Variants in KIAA0513 observed in about 807,000 individuals in gnomAD.
KIAA0513 encodes uncharacterized protein KIAA0513.
In KIAA0513, 39 loss-of-function variants were observed where a neutral mutation model predicts 56.5. The observed-to-expected ratio is 0.69, with a 90% CI of 0.53 to 0.90. KIAA0513 has a LOEUF of 0.90. Among genes scored for constraint, KIAA0513 ranks in the 40% least tolerant of loss-of-function variants. The pLI is 0.00. For missense variants in KIAA0513, 591 were observed against 535.2 expected (o/e 1.10, Z -1.03); for synonymous variants, 268 against 215.6 (o/e 1.24, Z -2.13).
Position 85,089,261 on chromosome 16 carries a change from A to G in KIAA0513, c.*936A>G, listed in dbSNP as rs2073844192. 1 of 152,336 alleles carries G rather than the reference A, an allele frequency of 6.6e-6. No individual in the cohort carries two copies. The highest frequency in any genetic ancestry group is 2.4e-5 in the African/African-American group (1 of 41,468). The allele number at this position is 152,336 out of a possible 1,614,324, so 9.4% of individuals were successfully genotyped here. ...TGCTCTTTATTCCAGACAAGGCAGG[A>G]AAGTCTGAGTTGGGAGTGACAGTGG... is the stretch of plus-strand genomic sequence containing the variant. On this transcript the variant is annotated 3_prime_UTR_variant, in exon 13 of 13. Transcript: ENST00000683363. The surrounding 1 kb of genome is among the most constrained non-coding windows in gnomAD (Gnocchi z 4.2).
At chr16:85,038,888 G>T (rs547007040) in intron 1 of KIAA0513, among the ~76,000 whole-genome samples, 1 of 152,228 alleles carries the variant, frequency 6.6e-6, no homozygotes, top group East Asian at 1.9e-4. Context: ...CAGCTTGAAC[G>T]AGCCACATTC....
Position 85,067,032 on chromosome 16 carries a change from C to A in KIAA0513, c.-40C>A, listed in dbSNP as rs1227956150. ...GGCTGCTGGGCTCCCCTCTAGGCAG[C>A]CTCCCCTCCAGGCAGCCTCACCAGC... On this transcript the variant is annotated 5_prime_UTR_variant, in exon 2 of 13. Coordinates refer to ENST00000683363, the MANE Select transcript of KIAA0513 (RefSeq NM_001388359.1). The A allele has an allele frequency of 2.0e-6, 3 of 1,499,422 alleles. No individual in the cohort carries two copies. In the African/African-American group the frequency reaches 4.2e-5, roughly 21 times the overall value. The allele number at this position is 1,499,422 out of a possible 1,614,324, so 92.9% of individuals were successfully genotyped here.
intron 1 of KIAA0513, among the ~76,000 whole-genome samples, chr16:85,060,628 C>T (rs1230028976): frequency 6.6e-6 from 1 of 152,060 alleles, no homozygotes; most frequent in East Asian, 1.9e-4. Context: ...TGCTGGGGCC[C>T]AGGAGTTTGA....
intron 1 of KIAA0513, among the ~76,000 whole-genome samples, chr16:85,042,151 T>A (rs966309730): frequency 6.6e-6 from 1 of 152,238 alleles, no homozygotes; most frequent in Admixed American, 6.5e-5. Context: ...TCAACTCTTT[T>A]CTTTTGGCAG....
chr16:85,075,931 C>T lies in KIAA0513; in HGVS notation c.574+17C>T. 4 of 1,592,280 alleles carry T rather than the reference C, an allele frequency of 2.5e-6. No homozygotes were observed. The highest frequency in any genetic ancestry group is 3.4e-6 in the Non-Finnish European group (4 of 1,160,174). ...ACCACATCGGTAAGACATGGGTGGG[C>T]TGATGTGGGGCTCACCTGAGGCTAG... is the stretch of plus-strand genomic sequence containing the variant. On this transcript the variant is annotated intron_variant, in intron 5 of 12. Transcript: ENST00000683363.
chr16:85,083,083 C>A (rs1247098535), intron 10 of KIAA0513, among the ~76,000 whole-genome samples: 1 of 152,212 alleles, frequency 6.6e-6, no homozygotes, highest in Non-Finnish European at 1.5e-5. Flanking sequence ...TGCAACACCA[C>A]CCACTCTTGG....
chr16:85,058,087 G>A (rs1322719544), intron 1 of KIAA0513, among the ~76,000 whole-genome samples: 2 of 152,182 alleles, frequency 1.3e-5, no homozygotes, highest in African/African-American at 2.4e-5. Context: ...ACTACAGCAC[G>A]CGGATGCTAT....
intron 2 of KIAA0513, 81 bp from the exon 3 acceptor site, chr16:85,071,702 C>A: frequency 1.7e-6 from 2 of 1,155,984 alleles, no homozygotes; most frequent in Non-Finnish European, 2.4e-6. Flanking sequence ...TTAGTTCCTT[C>A]TCCTTGCTCT....
rs1043845334 is a variant in KIAA0513, at chr16:85,087,668, G to T, written c.1186+502G>T. ...GACATTGGCGCCCCCCTTGCTGGGG[G>T]CCCGTCCCTGTGTGCCCCCGCCATC... On this transcript the variant is annotated intron_variant, in intron 12 of 12. Coordinates refer to ENST00000683363, the MANE Select transcript of KIAA0513 (RefSeq NM_001388359.1). Among the ~76,000 whole-genome samples, 4 of 152,266 alleles carry T rather than the reference G, an allele frequency of 2.6e-5. No homozygotes were observed. In the East Asian group the frequency reaches 7.7e-4, roughly 29 times the overall value.
intron 7 of KIAA0513, 131 bp from the exon 8 acceptor site, chr16:85,078,794 C>T (rs900636335): frequency 4.1e-5 from 40 of 972,096 alleles, no homozygotes; most frequent in Non-Finnish European, 4.0e-5. Context: ...AGAAAAGCCA[C>T]GGTGGGGTTT....
intron 1 of KIAA0513, among the ~76,000 whole-genome samples, chr16:85,064,273 T>C (rs533327545): frequency 1.6e-3 from 242 of 152,312 alleles, no homozygotes; most frequent in African/African-American, 5.5e-3. Context: ...CCCAAAGTGT[T>C]GGGATTACGG....
intron 1 of KIAA0513, among the ~76,000 whole-genome samples, chr16:85,054,069 A>C (rs905053884): frequency 2.7e-5 from 4 of 150,590 alleles, no homozygotes; most frequent in African/African-American, 9.8e-5. Flanking sequence ...CTGAGGTGGG[A>C]GGATCACTTG....
chr16:85,074,795 A>G (rs1487625460), intron 4 of KIAA0513, among the ~76,000 whole-genome samples: 1 of 150,966 alleles, frequency 6.6e-6, no homozygotes, highest in African/African-American at 2.4e-5. Context: ...AGATACTTCA[A>G]TTTCCGACAT....
At chr16:85,047,225 G>A (rs1461294643) in intron 1 of KIAA0513, among the ~76,000 whole-genome samples, 1 of 152,180 alleles carries the variant, frequency 6.6e-6, no homozygotes, top group Non-Finnish European at 1.5e-5. Context: ...TGGGCCCCGG[G>A]CATGCTCCGT....
chr16:85,077,722 G>T, intron 6 of KIAA0513, 90 bp downstream of exon 6: 2 of 943,928 alleles, frequency 2.1e-6, no homozygotes, highest in Non-Finnish European at 3.2e-6. Flanking sequence ...GAGGGTGCGG[G>T]TGAGGCCCAG....
intron 10 of KIAA0513, among the ~76,000 whole-genome samples, chr16:85,086,187 G>C (rs2073805548): frequency 6.6e-6 from 1 of 152,216 alleles, no homozygotes; most frequent in African/African-American, 2.4e-5. Context: ...GGAGACACAG[G>C]TGTGAGTCTA....
chr16:85,073,107 TA>T (rs1422099805), intron 4 of KIAA0513, 109 bp downstream of exon 4: 10 of 908,212 alleles, frequency 1.1e-5, no homozygotes, highest in Non-Finnish European at 1.7e-5. Context: ...ATATCCACAC[TA>T]GTCATCAGGT....
intron 1 of KIAA0513, among the ~76,000 whole-genome samples, chr16:85,030,456 C>G (rs74033915): frequency 0.014 from 2,129 of 152,192 alleles, 57 homozygotes; most frequent in African/African-American, 0.05. Context: ...AAAAATAAGC[C>G]ATAGGGCTGG....
intron 1 of KIAA0513, among the ~76,000 whole-genome samples, chr16:85,059,079 A>C (rs41337248): frequency 0.084 from 12,861 of 152,222 alleles, 1,759 homozygotes; most frequent in African/African-American, 0.28. Context: ...AGGACATTGA[A>C]ATTTCCTGTG....
Sources: allele counts gnomAD v4.1 joint callset (sites outside exome capture counted in the v4.1 genomes callset), GRCh38; gene constraint gnomAD v4.1.1; non-coding constraint Gnocchi (gnomAD v3.1); transcripts MANE v1.5; gene names NCBI Gene and HGNC (gene_info 2026-07-23, HGNC 2026-07-21).